Variants in DPYD observed in about 807,000 individuals in gnomAD.
The protein encoded by DPYD is dihydropyrimidine dehydrogenase [NADP(+)].
DPYD carries 109 observed loss-of-function variants against 116.2 expected under a neutral mutation model. The ratio of observed to expected loss-of-function variants is 0.94; its 90% CI spans 0.80 to 1.10. DPYD has a LOEUF of 1.10. Among genes scored for constraint, DPYD ranks in the 50% least tolerant of loss-of-function variants. The probability of loss-of-function intolerance (pLI) is 0.00; values close to 1 mark genes in which losing one functional copy is unlikely to be tolerated. For synonymous variants in DPYD, 440 were observed against 432.0 expected (o/e 1.02, Z -0.23); for missense variants, 1,302 against 1,254.5 (o/e 1.04, Z -0.57).
At chr1:97,772,081 T>C (rs1666172715) in intron 3 of DPYD, among the ~76,000 whole-genome samples, 2 of 152,150 alleles carry the variant, frequency 1.3e-5, no homozygotes, top group African/African-American at 4.8e-5. Context: ...TCCTCTCACT[T>C]TTTCTGCCCA....
At chr1:97,700,290 G>A (rs1158181605) in intron 5 of DPYD, 1 of 455,792 alleles carries the variant, frequency 2.2e-6, no homozygotes, top group African/African-American at 2.0e-5. Context: ...TGGAAATGTA[G>A]GAGGCCATTA....
intron 11 of DPYD, among the ~76,000 whole-genome samples, chr1:97,554,003 CAA>C (rs1443593776): frequency 1.3e-5 from 2 of 152,074 alleles, no homozygotes; most frequent in Admixed American, 6.6e-5. Flanking sequence ...ATTTAAAAAA[CAA>C]AGACACTCTG....
intron 12 of DPYD, among the ~76,000 whole-genome samples, chr1:97,533,801 G>A (rs1649808488): frequency 6.6e-6 from 1 of 152,178 alleles, no homozygotes; most frequent in Non-Finnish European, 1.5e-5. Context: ...TGAGGATAGA[G>A]TGTGAAGAGA....
At chr1:97,082,984 A>G (rs1315018847) in intron 21 of DPYD, among the ~76,000 whole-genome samples, 1 of 152,164 alleles carries the variant, frequency 6.6e-6, no homozygotes, top group African/African-American at 2.4e-5. Context: ...CTCACCTGTC[A>G]TGTCTTGAAG....
intron 3 of DPYD, among the ~76,000 whole-genome samples, chr1:97,781,416 G>GT (rs1239094729): frequency 9.9e-5 from 15 of 152,190 alleles, no homozygotes; most frequent in African/African-American, 3.6e-4. Flanking sequence ...ATCCATTCTT[G>GT]TATGTCTACA....
At chr1:97,810,359 A>G (rs1668296955) in intron 3 of DPYD, among the ~76,000 whole-genome samples, 1 of 151,938 alleles carries the variant, frequency 6.6e-6, no homozygotes, top group South Asian at 2.1e-4. Context: ...TTAATACAAC[A>G]GATGTGAAGA....
intron 21 of DPYD, among the ~76,000 whole-genome samples, chr1:97,089,868 G>T (rs571444): frequency 1.7e-4 from 25 of 145,912 alleles, no homozygotes; most frequent in Admixed American, 4.8e-4. Context: ...GGGGCTAGGA[G>T]AATCAGGATG....
At chr1:97,707,315 T>C (rs913087255) in intron 5 of DPYD, among the ~76,000 whole-genome samples, 1 of 152,038 alleles carries the variant, frequency 6.6e-6, no homozygotes, top group Non-Finnish European at 1.5e-5. Context: ...TATTATACTT[T>C]AAGTTTTAGG....
At chr1:97,352,566 A>G (rs1200843133) in intron 16 of DPYD, among the ~76,000 whole-genome samples, 1 of 135,744 alleles carries the variant, frequency 7.4e-6, no homozygotes, top group African/African-American at 2.5e-5. Context: ...GAAATAGTAA[A>G]AAAAAAAAAA....
At chr1:97,429,323 C>G (rs1253051104) in intron 14 of DPYD, among the ~76,000 whole-genome samples, 1 of 151,714 alleles carries the variant, frequency 6.6e-6, no homozygotes, top group Non-Finnish European at 1.5e-5. Flanking sequence ...TCTATTTTAC[C>G]TAAAAAAGTG....
chr1:97,275,061 C>G (rs1001414635), intron 18 of DPYD, among the ~76,000 whole-genome samples: 1 of 151,892 alleles, frequency 6.6e-6, no homozygotes, highest in Non-Finnish European at 1.5e-5. Context: ...TTGTAGGTAC[C>G]ATAGGTATAG....
intron 2 of DPYD, among the ~76,000 whole-genome samples, chr1:97,873,805 A>C (rs1208218915): frequency 6.6e-6 from 1 of 151,988 alleles, no homozygotes; most frequent in East Asian, 1.9e-4. Context: ...GTAAATATTC[A>C]ATTGTTATTT....
chr1:97,215,106 G>A (rs899250251), intron 19 of DPYD, among the ~76,000 whole-genome samples: 1 of 152,156 alleles, frequency 6.6e-6, no homozygotes, highest in Non-Finnish European at 1.5e-5. Context: ...CACATACTTT[G>A]CTTCAGATAC....
At chr1:97,885,807 G>C (rs1471661680) in intron 1 of DPYD, among the ~76,000 whole-genome samples, 1 of 151,944 alleles carries the variant, frequency 6.6e-6, no homozygotes, top group Non-Finnish European at 1.5e-5. Context: ...CCAAAGATGA[G>C]GGCTATATTT....
intron 3 of DPYD, chr1:97,798,054 C>G (rs1931063): frequency 6.6e-6 from 1 of 151,846 alleles, no homozygotes; most frequent in Non-Finnish European, 1.5e-5. Context: ...TTTATTGGAT[C>G]TTAGTTGGCT....
intron 16 of DPYD, among the ~76,000 whole-genome samples, chr1:97,346,285 T>C (rs1001209529): frequency 1.3e-5 from 2 of 151,778 alleles, no homozygotes; most frequent in Non-Finnish European, 3.0e-5. Flanking sequence ...TAAATGGGCA[T>C]TTGGTTGTTT....
At chr1:97,806,985 C>A (rs917154589) in intron 3 of DPYD, among the ~76,000 whole-genome samples, 5 of 151,870 alleles carry the variant, frequency 3.3e-5, no homozygotes, top group Non-Finnish European at 7.4e-5. Context: ...CTTCTCTGAC[C>A]TGATAGCTCA....
chr1:97,722,062 A>G lies in DPYD; in HGVS notation c.322-391T>C, dbSNP rs562141930. On this transcript the variant is annotated intron_variant, in intron 4 of 22. Coordinates refer to ENST00000370192, the MANE Select transcript of DPYD (RefSeq NM_000110.4). The stretch of plus-strand genomic sequence containing the variant: ...AAACTCAAAACCTAAACTTTAAAAC[A>G]ACAAAAAATGGTTATACTCAGGTTA... 2.0e-5 allele frequency among the ~76,000 whole-genome samples: 3 copies of G among 151,860 alleles called. No homozygotes were observed. The South Asian group carries it at 6.2e-4, about 31-fold the overall frequency.
chr1:97,751,412 GTA>G (rs377480579), intron 3 of DPYD, among the ~76,000 whole-genome samples: 228 of 125,120 alleles, frequency 1.8e-3, no homozygotes, highest in East Asian at 0.01. Flanking sequence ...ATATATACGT[GTA>G]TATATATATG....
Sources: allele counts gnomAD v4.1 joint callset (sites outside exome capture counted in the v4.1 genomes callset), GRCh38; gene constraint gnomAD v4.1.1; transcripts MANE v1.5; gene names NCBI Gene and HGNC (gene_info 2026-07-23, HGNC 2026-07-21).